The following CDH12 variants were observed in gnomAD, a reference collection of about 807,000 sequenced individuals.
CDH12 encodes the protein cadherin 12, also known as cadherin-12.
CDH12 carries 41 observed loss-of-function variants against 74.1 expected under a neutral mutation model. The observed-to-expected ratio is 0.55, with a 90% CI of 0.43 to 0.72. The LOEUF (loss-of-function observed/expected upper bound fraction) is 0.72. CDH12 is among the 30% of genes least tolerant of loss of function. The pLI is 0.00. For synonymous variants in CDH12, 399 were observed against 355.0 expected (o/e 1.12, Z -1.39); for missense variants, 945 against 977.2 (o/e 0.97, Z 0.44).
At chr5:21,776,879 A>G (rs1297920840) in intron 11 of CDH12, among the ~76,000 whole-genome samples, 1 of 152,240 alleles carries the variant, frequency 6.6e-6, no homozygotes, top group East Asian at 1.9e-4. Flanking sequence ...TAGTTTGCAT[A>G]TCATAACTAC....
chr5:21,820,876 A>G (rs1237802340), intron 8 of CDH12, among the ~76,000 whole-genome samples: 2 of 152,022 alleles, frequency 1.3e-5, no homozygotes, highest in Non-Finnish European at 2.9e-5. Flanking sequence ...CATATGAAAC[A>G]TCTTAATGGC....
intron 1 of CDH12, among the ~76,000 whole-genome samples, chr5:22,652,550 A>G (rs180855902): frequency 6.6e-6 from 1 of 152,298 alleles, no homozygotes; most frequent in East Asian, 1.9e-4. Flanking sequence ...ACTATTTTCC[A>G]TAATTTCATT....
intron 6 of CDH12, among the ~76,000 whole-genome samples, chr5:21,967,827 G>A (rs1373730812): frequency 6.6e-6 from 1 of 152,154 alleles, no homozygotes; most frequent in African/African-American, 2.4e-5. Flanking sequence ...AAATAGTCCT[G>A]CCAAACTGCG....
Position 22,039,340 on chromosome 5 carries a change from C to T in CDH12, c.231+39106G>A, listed in dbSNP as rs1358308019. On this transcript the variant is annotated intron_variant, in intron 5 of 14. Transcript: ENST00000382254. ...TATAATCTATACTCCTGAACCTAAG[C>T]TACTAGGGGGTGCCTCAGAGTCACA... is the stretch of plus-strand genomic sequence containing the variant. 5.3e-5 allele frequency among the ~76,000 whole-genome samples: 8 copies of T among 152,186 alleles called. No homozygotes were observed. The East Asian group carries it at 1.4e-3, about 26-fold the overall frequency.
intron 1 of CDH12, among the ~76,000 whole-genome samples, chr5:22,831,690 T>C (rs1581044252): frequency 6.7e-6 from 1 of 149,524 alleles, no homozygotes; most frequent in Non-Finnish European, 1.5e-5. Context: ...AGGTCAGGAG[T>C]TCAAGACCAA....
chr5:22,200,695 C>A (rs1750879651), intron 4 of CDH12, among the ~76,000 whole-genome samples: 1 of 152,154 alleles, frequency 6.6e-6, no homozygotes, highest in Admixed American at 6.5e-5. Context: ...AAGCAAAATT[C>A]TTTTCAGAAT....
intron 2 of CDH12, among the ~76,000 whole-genome samples, chr5:22,487,663 A>G (rs1295747606): frequency 1.3e-5 from 2 of 152,238 alleles, no homozygotes; most frequent in Non-Finnish European, 2.9e-5. Flanking sequence ...TGCAATATCA[A>G]AAATATTCAT....
rs528191954 is a variant in CDH12, at chr5:22,118,579, A to G, written c.-186-39717T>C. On this transcript the variant is annotated intron_variant, in intron 4 of 14. Coordinates refer to ENST00000382254, the MANE Select transcript of CDH12 (RefSeq NM_004061.5). ...TTTAGTCTCTTTATGTCATGTGTGA[A>G]AGGTATATACCTTTCACACATGAAA... Among the ~76,000 whole-genome samples, 67 of 152,072 alleles carry G rather than the reference A, an allele frequency of 4.4e-4. 1 individual carries two copies. The highest frequency in any genetic ancestry group is 1.6e-3 in the African/African-American group (65 of 41,516).
intron 3 of CDH12, among the ~76,000 whole-genome samples, chr5:22,384,349 C>A (rs1741899388): frequency 1.3e-5 from 2 of 150,286 alleles, no homozygotes; most frequent in Admixed American, 6.6e-5. Flanking sequence ...ACGGTGAAAC[C>A]CCGTCTCTAC....
intron 2 of CDH12, among the ~76,000 whole-genome samples, chr5:22,458,922 G>A (rs899377745): frequency 6.7e-6 from 1 of 149,426 alleles, no homozygotes; most frequent in Non-Finnish European, 1.5e-5. Flanking sequence ...CTTTTTTTTT[G>A]GCCTATTAAA....
intron 8 of CDH12, among the ~76,000 whole-genome samples, 163 bp downstream of exon 8, chr5:21,841,994 AACTT>A (rs1749885754): frequency 1.3e-5 from 2 of 148,790 alleles, no homozygotes. Flanking sequence ...TGTACCCTAA[AACTT>A]AAAGTATAAA....
At chr5:22,772,911 CA>C (rs1181317896) in intron 1 of CDH12, among the ~76,000 whole-genome samples, 4 of 151,620 alleles carry the variant, frequency 2.6e-5, no homozygotes, top group Admixed American at 6.6e-5. Context: ...ACAATAGCTA[CA>C]AAAAAATTAA....
chr5:22,373,798 T>C (rs2126354007), intron 3 of CDH12, among the ~76,000 whole-genome samples: 1 of 152,300 alleles, frequency 6.6e-6, no homozygotes, highest in South Asian at 2.1e-4. Context: ...AATCCTTCCC[T>C]ATGAAAGCAA....
chr5:22,661,299 C>T (rs1457284675), intron 1 of CDH12, among the ~76,000 whole-genome samples: 1 of 152,114 alleles, frequency 6.6e-6, no homozygotes, highest in Non-Finnish European at 1.5e-5. Context: ...TCTTTATGAT[C>T]TGGGTTGAAT....
rs1744046047 is a variant in CDH12 at position 21,751,482 on chromosome 5, A to T, written c.*255T>A. The stretch of plus-strand genomic sequence containing the variant: ...GTCTCAGTGTGATTGTGAAAAAACA[A>T]AACAACAAAACAAAGCAAGTACACA... On this transcript the variant is annotated 3_prime_UTR_variant, in exon 15 of 15. Transcript: ENST00000382254. 2.4e-6 allele frequency: 1 copy of T among 411,214 alleles called. No homozygotes were observed. The highest frequency in any genetic ancestry group is 4.1e-5 in the East Asian group (1 of 24,454). The allele number at this position is 411,214 out of a possible 1,614,324, so 25.5% of individuals were successfully genotyped here.
At chr5:21,950,755 A>ATTT (rs1263550742) in intron 6 of CDH12, among the ~76,000 whole-genome samples, 77 of 119,362 alleles carry the variant, frequency 6.5e-4, no homozygotes, top group South Asian at 9.1e-4. Flanking sequence ...CATAAATTTT[A>ATTT]TTTTATTATT....
At chr5:22,216,573 C>G (rs1279711470) in intron 3 of CDH12, among the ~76,000 whole-genome samples, 1 of 151,796 alleles carries the variant, frequency 6.6e-6, no homozygotes, top group African/African-American at 2.4e-5. Context: ...ACAAATTGAT[C>G]TTGCAGCAGC....
intron 1 of CDH12, among the ~76,000 whole-genome samples, chr5:22,787,706 GGTA>G (rs1747706072): frequency 6.6e-6 from 1 of 152,044 alleles, no homozygotes; most frequent in African/African-American, 2.4e-5. Flanking sequence ...CTGCAATCAT[GGTA>G]GTAGCTCTCG....
At chr5:22,444,554 T>TC (rs1554041188) in intron 2 of CDH12, among the ~76,000 whole-genome samples, 173 of 151,344 alleles carry the variant, frequency 1.1e-3, no homozygotes, top group Middle Eastern at 0.01. Flanking sequence ...TTTTTTTTTT[T>TC]CCCATAAGTA....
Sources: allele counts gnomAD v4.1 joint callset (sites outside exome capture counted in the v4.1 genomes callset), GRCh38; gene constraint gnomAD v4.1.1; transcripts MANE v1.5; gene names NCBI Gene and HGNC (gene_info 2026-07-23, HGNC 2026-07-21).